The following DPP10 variants were observed in gnomAD, a reference collection of about 807,000 sequenced individuals.
The protein encoded by DPP10 is inactive dipeptidyl peptidase 10.
Under a neutral mutation model 120.9 loss-of-function variants are expected in DPP10, and 33 were observed. The ratio of observed to expected loss-of-function variants is 0.27; its 90% CI spans 0.21 to 0.37. The LOEUF (loss-of-function observed/expected upper bound fraction) is 0.37. Ranked by LOEUF, DPP10 falls within the 10% of genes least tolerant of loss-of-function variation. The pLI is 1.00. For synonymous variants in DPP10, 337 were observed against 326.1 expected (o/e 1.03, Z -0.36); for missense variants, 816 against 942.8 (o/e 0.87, Z 1.76).
intron 1 of DPP10, among the ~76,000 whole-genome samples, chr2:115,285,063 T>C (rs2060310147): frequency 1.3e-5 from 2 of 152,038 alleles, no homozygotes; most frequent in Non-Finnish European, 2.9e-5. Flanking sequence ...TCATTATCTA[T>C]TTTAGGCCCC....
At chr2:115,544,305 A>G (rs1249107088) in intron 5 of DPP10, among the ~76,000 whole-genome samples, 4 of 152,084 alleles carry the variant, frequency 2.6e-5, no homozygotes, top group African/African-American at 4.8e-5. Flanking sequence ...GTTTTTACAT[A>G]TAAACCTCCT....
At chr2:115,416,730 G>A (rs1048772541) in intron 3 of DPP10, among the ~76,000 whole-genome samples, 2 of 152,106 alleles carry the variant, frequency 1.3e-5, no homozygotes, top group African/African-American at 2.4e-5. Context: ...CAAGCATTTC[G>A]CTGGTTCTGA....
intron 8 of DPP10, among the ~76,000 whole-genome samples, chr2:115,729,604 T>TA (rs2092849198): frequency 6.6e-6 from 1 of 152,118 alleles, no homozygotes; most frequent in African/African-American, 2.4e-5. Flanking sequence ...TCATTTCTAC[T>TA]AAAAAATTTT....
intron 5 of DPP10, among the ~76,000 whole-genome samples, chr2:115,662,889 C>A (rs2089119017): frequency 6.6e-6 from 1 of 152,132 alleles, no homozygotes; most frequent in South Asian, 2.1e-4. Context: ...AGCTTAGGTC[C>A]TGGCTCCAAT....
chr2:115,650,174 G>A (rs1328876554), intron 5 of DPP10, among the ~76,000 whole-genome samples: 1 of 152,000 alleles, frequency 6.6e-6, no homozygotes, highest in Non-Finnish European at 1.5e-5. Context: ...CAGATCTTAG[G>A]CACACAGAAT....
chr2:114,524,125 C>A (rs892271648), intron 1 of DPP10, among the ~76,000 whole-genome samples: 13 of 152,290 alleles, frequency 8.5e-5, no homozygotes, highest in African/African-American at 2.6e-4. Flanking sequence ...CAAAAACATT[C>A]TTTAGCAAAT....
chr2:115,434,596 G>A (rs1052948385), intron 3 of DPP10, among the ~76,000 whole-genome samples: 1 of 139,572 alleles, frequency 7.2e-6, no homozygotes, highest in Non-Finnish European at 1.6e-5. Context: ...ACGTGTGATA[G>A]TTTGATGCAT....
At chr2:114,892,362 A>G (rs112860015) in intron 1 of DPP10, among the ~76,000 whole-genome samples, 1,588 of 152,286 alleles carry the variant, frequency 0.01, 28 homozygotes, top group African/African-American at 0.035. Flanking sequence ...TAGATTTCAT[A>G]TGCCAATTTC....
chr2:115,165,760 A>G (rs2052787465), intron 1 of DPP10, among the ~76,000 whole-genome samples: 1 of 152,208 alleles, frequency 6.6e-6, no homozygotes, highest in Non-Finnish European at 1.5e-5. Context: ...TATTGCCTAA[A>G]AAGCGTGGCT....
intron 3 of DPP10, among the ~76,000 whole-genome samples, chr2:115,428,194 A>G (rs1356496732): frequency 6.6e-6 from 1 of 152,156 alleles, no homozygotes; most frequent in East Asian, 1.9e-4. Context: ...AGTCTTTAAG[A>G]AGTTCTAAAC....
intron 1 of DPP10, among the ~76,000 whole-genome samples, chr2:114,521,138 C>T (rs1573553952): frequency 6.6e-6 from 1 of 152,000 alleles, no homozygotes; most frequent in Admixed American, 6.6e-5. Context: ...AAAATATAGC[C>T]TTCATACTTT....
intron 1 of DPP10, among the ~76,000 whole-genome samples, chr2:114,560,361 CAA>C (rs1688671240): frequency 6.6e-6 from 1 of 152,056 alleles, no homozygotes; most frequent in African/African-American, 2.4e-5. Flanking sequence ...GCAAACAAAA[CAA>C]AGAGAAGATG....
intron 1 of DPP10, chr2:114,828,765 C>A (rs984190688): frequency 6.6e-6 from 1 of 152,240 alleles, no homozygotes; most frequent in Non-Finnish European, 1.5e-5. Context: ...ATTGAAGTGT[C>A]CAAGCAGGCA....
chr2:115,556,835 C>G (rs1304035538), intron 5 of DPP10, among the ~76,000 whole-genome samples: 1 of 152,140 alleles, frequency 6.6e-6, no homozygotes, highest in African/African-American at 2.4e-5. Context: ...GAAGAGCTTT[C>G]TGTTTACAAC....
chr2:114,972,932 C>T (rs544125330), intron 1 of DPP10, among the ~76,000 whole-genome samples: 3 of 152,288 alleles, frequency 2.0e-5, no homozygotes, highest in South Asian at 2.1e-4. Context: ...AAAATATCAA[C>T]GATAGCCTCT....
chr2:115,630,118 C>T (rs934828799), intron 5 of DPP10, among the ~76,000 whole-genome samples: 1 of 152,126 alleles, frequency 6.6e-6, no homozygotes, highest in African/African-American at 2.4e-5. Flanking sequence ...AGAGGTCCTT[C>T]ACCTCCCTTG....
chr2:114,978,707 G>T (rs1357680544), intron 1 of DPP10, among the ~76,000 whole-genome samples: 1 of 152,052 alleles, frequency 6.6e-6, no homozygotes, highest in Non-Finnish European at 1.5e-5. Context: ...TAGGAGTTGG[G>T]TTCATTCCCA....
chr2:115,296,589 G>A (rs960671272), intron 1 of DPP10, among the ~76,000 whole-genome samples: 2 of 151,974 alleles, frequency 1.3e-5, no homozygotes, highest in African/African-American at 4.8e-5. Context: ...ACTGGGAAAC[G>A]GCCAGGATAG....
chr2:115,800,849 A>G (rs1435194019), intron 19 of DPP10, among the ~76,000 whole-genome samples: 3 of 151,972 alleles, frequency 2.0e-5, no homozygotes, highest in Non-Finnish European at 4.4e-5. Flanking sequence ...CTTGTAGTAT[A>G]GTTTGAAGTC....
Sources: allele counts gnomAD v4.1 joint callset (sites outside exome capture counted in the v4.1 genomes callset), GRCh38; gene constraint gnomAD v4.1.1; transcripts MANE v1.5; gene names NCBI Gene and HGNC (gene_info 2026-07-23, HGNC 2026-07-21).